The following M1AP variants were observed in gnomAD, a reference collection of about 807,000 sequenced individuals.
M1AP encodes meiosis 1 associated protein.
Under a neutral mutation model 51.2 loss-of-function variants are expected in M1AP, and 39 were observed. That is an observed-to-expected ratio of 0.76 (90% CI 0.59 to 1.00). The LOEUF is 1.00. M1AP is among the 50% of genes least tolerant of loss of function. The pLI, the probability that M1AP is intolerant of heterozygous loss-of-function variation, is 0.00. For synonymous variants in M1AP, 251 were observed against 249.2 expected (o/e 1.01, Z -0.07); for missense variants, 545 against 641.2 (o/e 0.85, Z 1.62).
chr2:74,570,092 A>G (rs763930850), intron 7 of M1AP, among the ~76,000 whole-genome samples: 3 of 152,164 alleles, frequency 2.0e-5, no homozygotes, highest in Non-Finnish European at 4.4e-5. Context: ...TAGTGCTTCC[A>G]TATATGCCAT....
In M1AP at chr2:74,640,257, T is replaced by C; in HGVS notation, c.19A>G (p.Thr7Ala). Residue 7 changes from threonine (T) to alanine (A), a missense_variant, in exon 2 of 11, where the codon ACT becomes GCT. Thr to Ala is a moderately conservative substitution (Grantham distance 58, BLOSUM62 0). Transcript: ENST00000421985. MHPGRTTGKGPSTHTQI... is the reference protein window; with the variant it reads MHPGRTAGKGPSTHTQI... ...GTGTGAGTAGAGGGCCCTTTACCAG[T>C]AGTTCGCCCAGGATGCATGGCAGCA... The C allele has an allele frequency of 6.2e-7, 1 of 1,614,064 alleles. No individual in the cohort carries two copies. Among genetic ancestry groups the C allele is most frequent in the Non-Finnish European group, 8.5e-7 (1 of 1,179,958 alleles).
rs1242768082 is a variant in M1AP at position 74,646,711 on chromosome 2, T to C, written c.-53+1554A>G. ...ACTTTAGCTCTCAATGTTTCTAATG[T>C]TTTAAGTTAGTGTATGAAATAGTTT... is the stretch of plus-strand genomic sequence containing the variant. On this transcript the variant is annotated intron_variant, in intron 1 of 10. Transcript: ENST00000421985. Among the ~76,000 whole-genome samples, 3 of 152,170 alleles carry C rather than the reference T, an allele frequency of 2.0e-5. No individual in the cohort carries two copies. In the East Asian group the frequency reaches 5.8e-4, roughly 29 times the overall value.
At chr2:74,567,346 A>C (rs921625096) in intron 7 of M1AP, among the ~76,000 whole-genome samples, 1 of 152,238 alleles carries the variant, frequency 6.6e-6, no homozygotes, top group Non-Finnish European at 1.5e-5. Context: ...TCCTGATATA[A>C]AATGTGGGAG....
At chr2:74,641,737 A>C (rs984957348) in intron 1 of M1AP, among the ~76,000 whole-genome samples, 28 of 151,826 alleles carry the variant, frequency 1.8e-4, no homozygotes, top group Non-Finnish European at 3.8e-4. Flanking sequence ...CGGCCTCCTG[A>C]AGTGCTGGGA....
chr2:74,635,273 G>C (rs1020598558), intron 2 of M1AP, among the ~76,000 whole-genome samples: 10 of 152,054 alleles, frequency 6.6e-5, no homozygotes, highest in African/African-American at 2.4e-4. Context: ...GTATGTAAAG[G>C]TATCTGTAGT....
intron 7 of M1AP, among the ~76,000 whole-genome samples, chr2:74,563,963 A>C (rs1256197147): frequency 6.6e-6 from 1 of 152,240 alleles, no homozygotes; most frequent in Admixed American, 6.5e-5. Context: ...AATCATCTCA[A>C]ACTGTGTCCT....
intron 2 of M1AP, chr2:74,628,759 T>C: frequency 5.6e-6 from 3 of 533,616 alleles, no homozygotes; most frequent in South Asian, 3.0e-5. Context: ...ATACAGGCAA[T>C]AAAGCTGCTG....
At chr2:74,620,732 A>G (rs1221166119) in intron 2 of M1AP, 2 of 214,946 alleles carry the variant, frequency 9.3e-6, no homozygotes, top group Admixed American at 8.4e-5. Context: ...AGTTAGTACA[A>G]ATAGGTGGAG....
chr2:74,569,576 T>C (rs1380789344), intron 7 of M1AP, among the ~76,000 whole-genome samples: 3 of 152,088 alleles, frequency 2.0e-5, no homozygotes, highest in Non-Finnish European at 4.4e-5. Context: ...GGTTTCGCCA[T>C]GTTGGCCAGG....
At chr2:74,633,737 C>T (rs749255542) in intron 2 of M1AP, among the ~76,000 whole-genome samples, 67 of 152,136 alleles carry the variant, frequency 4.4e-4, no homozygotes, top group Non-Finnish European at 8.4e-4. Context: ...GTCTTTCTTA[C>T]CATAATTTAA....
intron 7 of M1AP, among the ~76,000 whole-genome samples, chr2:74,567,621 G>A (rs907786300): frequency 1.3e-5 from 2 of 152,318 alleles, no homozygotes; most frequent in Non-Finnish European, 2.9e-5. Flanking sequence ...CAGGTACATG[G>A]TAAGCACCAT....
intron 1 of M1AP, among the ~76,000 whole-genome samples, chr2:74,645,333 G>T (rs1309301654): frequency 1.3e-5 from 2 of 152,170 alleles, no homozygotes; most frequent in African/African-American, 2.4e-5. Context: ...AGGGTCCGCG[G>T]CTTCATTCTT....
chr2:74,576,668 A>C, intron 5 of M1AP, 50 bp from the exon 6 acceptor site: 1 of 1,590,700 alleles, frequency 6.3e-7, no homozygotes. Context: ...TGGAGGAAGG[A>C]TTGTGGGTAA....
intron 1 of M1AP, among the ~76,000 whole-genome samples, chr2:74,643,623 C>T (rs1347244325): frequency 6.7e-6 from 1 of 148,218 alleles, no homozygotes; most frequent in Non-Finnish European, 1.5e-5. Context: ...CAGGGTCTCG[C>T]TCCATCGCCC....
intron 4 of M1AP, among the ~76,000 whole-genome samples, chr2:74,583,605 C>G (rs1679540208): frequency 1.3e-5 from 2 of 152,212 alleles, no homozygotes; most frequent in South Asian, 4.1e-4. Flanking sequence ...CTTGCTTCAT[C>G]AGGAGGGATC....
chr2:74,609,247 CA>C (rs1681191917), intron 3 of M1AP, among the ~76,000 whole-genome samples: 1 of 152,000 alleles, frequency 6.6e-6, no homozygotes, highest in African/African-American at 2.4e-5. Context: ...AACCACTATT[CA>C]ACTCTGTACT....
At chr2:74,634,383 A>G (rs1049226968) in intron 2 of M1AP, among the ~76,000 whole-genome samples, 3 of 152,216 alleles carry the variant, frequency 2.0e-5, no homozygotes, top group Admixed American at 1.3e-4. Context: ...AGGTGTTAGT[A>G]TATCACCAGA....
At chr2:74,620,431 CA>C (rs1470126594) in intron 2 of M1AP, among the ~76,000 whole-genome samples, 5 of 152,208 alleles carry the variant, frequency 3.3e-5, no homozygotes, top group African/African-American at 1.2e-4. Context: ...ACCCCATGCC[CA>C]AACAACCTGC....
intron 7 of M1AP, among the ~76,000 whole-genome samples, chr2:74,567,344 T>C (rs959470385): frequency 6.6e-6 from 1 of 152,200 alleles, no homozygotes; most frequent in Admixed American, 6.5e-5. Context: ...TTTCCTGATA[T>C]AAAATGTGGG....
Sources: allele counts gnomAD v4.1 joint callset (sites outside exome capture counted in the v4.1 genomes callset), GRCh38; gene constraint gnomAD v4.1.1; transcripts MANE v1.5; gene names NCBI Gene and HGNC (gene_info 2026-07-23, HGNC 2026-07-21).